STIL: variants seen among roughly 807,000 people sequenced by gnomAD.
STIL encodes the protein SCL-interrupting locus protein.
STIL carries 55 observed loss-of-function variants against 110.1 expected under a neutral mutation model. That is an observed-to-expected ratio of 0.50 (90% confidence interval 0.40 to 0.63). STIL has a LOEUF of 0.63. Ranked by LOEUF, STIL falls within the 20% of genes least tolerant of loss-of-function variation. The pLI is 0.00. For missense variants in STIL, 1,358 were observed against 1,530.0 expected, an observed-to-expected ratio of 0.89 and a Z score of 1.87; for synonymous variants, 481 against 530.0, an observed-to-expected ratio of 0.91 and a Z score of 1.27.
intron 14 of STIL, among the ~76,000 whole-genome samples, chr1:47,265,252 A>AAAAAAAAAC (rs1557714101): frequency 2.7e-5 from 4 of 150,598 alleles, no homozygotes; most frequent in African/African-American, 9.7e-5. Context: ...AAAAAAAAAA[A>AAAAAAAAAC]AAAAAAAACA....
intron 3 of STIL, among the ~76,000 whole-genome samples, chr1:47,302,729 G>T (rs185791216): frequency 9.9e-4 from 150 of 152,252 alleles, no homozygotes; most frequent in African/African-American, 3.5e-3. Context: ...CAGACCCCCA[G>T]TGGATGTCTG....
intron 16 of STIL, among the ~76,000 whole-genome samples, chr1:47,254,531 T>G (rs966760053): frequency 1.2e-5 from 1 of 84,114 alleles, no homozygotes; most frequent in African/African-American, 4.0e-5. Flanking sequence ...TAATTTGGGT[T>G]TTTTTTTTGT....
intron 1 of STIL, among the ~76,000 whole-genome samples, chr1:47,313,656 G>C (rs569493296): frequency 6.6e-6 from 1 of 152,262 alleles, no homozygotes; most frequent in African/African-American, 2.4e-5. Context: ...CTCGCACTTT[G>C]CTGTTTACAC....
chr1:47,272,102 T>C lies in STIL; in HGVS notation c.2357A>G (p.Lys786Arg), dbSNP rs147955048. 19 of 1,614,184 alleles carry C rather than the reference T, an allele frequency of 1.2e-5. No homozygotes were observed. In the African/African-American group the frequency reaches 1.5e-4, roughly 12 times the overall value. Residue 786 changes from lysine (K) to arginine (R), a missense_variant, in exon 13 of 17, where the codon AAA (lysine) becomes AGA (arginine). Physicochemically the swap from Lys to Arg is conservative, Grantham distance 26. Coordinates refer to ENST00000371877, the MANE Select transcript of STIL (RefSeq NM_001048166.1). Reference sequence around the variant, plus strand: ...TGTGCTCACAGCAATGCTTACACCTTTTCTCATGTGCAAGCCAGGGGAAGA... The same window carrying C: ...TGTGCTCACAGCAATGCTTACACCTCTTCTCATGTGCAAGCCAGGGGAAGA... ...AQSSPGLHMR[K>R]GVSIAVSTGA... is the part of the protein sequence containing the mutation.
At chr1:47,267,060 CA>C (rs1644674746) in intron 14 of STIL, among the ~76,000 whole-genome samples, 2 of 152,262 alleles carry the variant, frequency 1.3e-5, no homozygotes, top group Non-Finnish European at 2.9e-5. Context: ...CTTTTTCCTC[CA>C]CTTGGAATAC....
chr1:47,272,263 T>C, intron 12 of STIL, 22 bp from the exon 13 acceptor site: 1 of 1,613,912 alleles, frequency 6.2e-7, no homozygotes, highest in Non-Finnish European at 8.5e-7. Flanking sequence ...AAAAACATAC[T>C]TTAAACTGAC....
chr1:47,272,135 T>C lies in STIL; in HGVS notation c.2324A>G (p.Glu775Gly). The change falls in exon 13 of 17, where the codon GAA becomes GGA. Residue 775 changes from glutamate (E) to glycine (G), a missense_variant. Glu to Gly is a moderately conservative substitution (Grantham distance 98). Coordinates refer to ENST00000371877, the MANE Select transcript of STIL (RefSeq NM_001048166.1). ...GTGCAAGCCAGGGGAAGACTGTGCTTCCACAGAAACCAACTCCATTTGTCT... is the reference window on the plus strand; with the variant it reads ...GTGCAAGCCAGGGGAAGACTGTGCTCCCACAGAAACCAACTCCATTTGTCT... ...AGRQMELVSV[E>G]AQSSPGLHMR... 1 of 1,614,184 alleles carries C rather than the reference T, an allele frequency of 6.2e-7. No individual in the cohort carries two copies. Among genetic ancestry groups the C allele is most frequent in the Non-Finnish European group, 8.5e-7 (1 of 1,180,026 alleles).
intron 10 of STIL, chr1:47,282,781 G>T (rs961990900): frequency 3.8e-6 from 1 of 265,296 alleles, no homozygotes; most frequent in East Asian, 8.9e-5. Context: ...CTTAGTACTT[G>T]CTGTCAAAAA....
At chr1:47,258,287 T>C (rs1367906736) in intron 16 of STIL, among the ~76,000 whole-genome samples, 1 of 152,204 alleles carries the variant, frequency 6.6e-6, no homozygotes, top group Non-Finnish European at 1.5e-5. Flanking sequence ...TGATGAGCAA[T>C]GGTAGCATCT....
Position 47,293,785 on chromosome 1 carries a change from GAGAA to G in STIL, c.786-245_786-242del, listed in dbSNP as rs1645563891. Among the ~76,000 whole-genome samples, 6 of 152,238 alleles carry G rather than the reference GAGAA, an allele frequency of 3.9e-5. No individual in the cohort carries two copies. In the South Asian group the frequency reaches 1.2e-3, roughly 32 times the overall value. On this transcript the variant is annotated intron_variant, in intron 7 of 16. Transcript: ENST00000371877. ...ATAGATATATATCGAGAGAGAGAGA[GAGAA>G]AGAGAGCAAGCACGCGTATCTCTGT...
chr1:47,291,551 T>TTGCC (rs1645491044), intron 8 of STIL, among the ~76,000 whole-genome samples: 1 of 151,918 alleles, frequency 6.6e-6, no homozygotes, highest in Admixed American at 6.6e-5. Flanking sequence ...ATTCTGTTTA[T>TTGCC]TGCCTGTCTC....
In STIL at chr1:47,251,797, G is replaced by C; in HGVS notation, c.3206C>G (p.Ala1069Gly). 1.2e-6 allele frequency: 2 copies of C among 1,611,960 alleles called. No individual in the cohort carries two copies. The highest frequency in any genetic ancestry group is 1.7e-6 in the Non-Finnish European group (2 of 1,178,798). ...CTGATTTTCATTTAAATATTTCAGA[G>C]CTATAGCATTTGCCTCCATGCTCAA... is the stretch of plus-strand genomic sequence containing the variant. ...VDLSMEANAI[A>G]LKYLNENQLS... The change falls in exon 17 of 17, where the codon GCT becomes GGT. Residue 1069 changes from alanine to glycine, a missense_variant. Physicochemically the swap from Ala to Gly is moderately conservative, Grantham distance 60. Transcript: ENST00000371877.
chr1:47,271,840 A>C (rs1170338713), intron 13 of STIL, among the ~76,000 whole-genome samples: 1 of 151,826 alleles, frequency 6.6e-6, no homozygotes, highest in Non-Finnish European at 1.5e-5. Flanking sequence ...AAAAAAAACC[A>C]GAATTGGGTC....
At chr1:47,303,950 A>C (rs1645879331) in intron 3 of STIL, among the ~76,000 whole-genome samples, 6 of 152,180 alleles carry the variant, frequency 3.9e-5, no homozygotes, top group Admixed American at 3.9e-4. Flanking sequence ...GCCATTTATG[A>C]AATACTTTCT....
rs1388694369 is a variant in STIL, at chr1:47,289,514, T to C, written c.944A>G (p.Glu315Gly). Residue 315 changes from glutamate (E) to glycine (G), a missense_variant, in exon 9 of 17, where the codon GAA becomes GGA. By Grantham distance (98) the Glu-to-Gly change is moderately conservative (BLOSUM62 -2). Coordinates refer to ENST00000371877, the MANE Select transcript of STIL (RefSeq NM_001048166.1). ...TATCTTGCCATCACAAGGGAAGCAT[T>C]CATAAAACTCAGGTTCCTTATGTGT... Reference protein sequence around the residue: ...SMTHKEPEFYECFPCDGKIPD... With the variant: ...SMTHKEPEFYGCFPCDGKIPD... 6.2e-7 allele frequency: 1 copy of C among 1,613,700 alleles called. No individual in the cohort carries two copies. Among genetic ancestry groups the C allele is most frequent in the East Asian group, 2.2e-5 (1 of 44,856 alleles).
intron 16 of STIL, among the ~76,000 whole-genome samples, chr1:47,258,887 C>T (rs1423063040): frequency 6.6e-6 from 1 of 150,956 alleles, no homozygotes; most frequent in African/African-American, 2.4e-5. Flanking sequence ...ACAACAGCAA[C>T]AACAACAAAA....
intron 10 of STIL, chr1:47,283,250 G>A (rs1411655195): frequency 6.6e-6 from 1 of 152,200 alleles, no homozygotes; most frequent in African/African-American, 2.4e-5. Context: ...TCCAAGGCAG[G>A]TTTGAAAATC....
At chr1:47,260,197 T>G in intron 16 of STIL, 92 bp downstream of exon 16, 1 of 1,298,698 alleles carries the variant, frequency 7.7e-7, no homozygotes, top group Non-Finnish European at 1.0e-6. Context: ...ACATCTAAAA[T>G]TTATTCATCT....
chr1:47,301,845 C>A, intron 4 of STIL, 97 bp from the exon 5 acceptor site: 1 of 1,107,522 alleles, frequency 9.0e-7, no homozygotes. Flanking sequence ...TTTGTTCATA[C>A]CAATAGTACA....
Sources: gnomAD v4.1 joint callset for allele counts (sites outside exome capture counted in the v4.1 genomes callset) on GRCh38, gnomAD v4.1.1 for gene constraint, MANE v1.5 for transcripts, NCBI Gene and HGNC (gene_info 2026-07-23, HGNC 2026-07-21) for gene names.